Variants in TSPAN5 observed in about 807,000 individuals in gnomAD.
TSPAN5 encodes the protein tetraspanin 5, also known as tetraspanin-5.
TSPAN5 carries 10 observed loss-of-function variants against 37.1 expected under a neutral mutation model. The ratio of observed to expected loss-of-function variants is 0.27; its 90% CI spans 0.17 to 0.46. The LOEUF (loss-of-function observed/expected upper bound fraction) is 0.46, where lower values mean the gene tolerates loss of function less well. Ranked by LOEUF, TSPAN5 falls within the 20% of genes least tolerant of loss-of-function variation. The pLI is 1.00. For synonymous variants in TSPAN5, 110 were observed against 118.9 expected (o/e 0.93, Z 0.48); for missense variants, 195 against 326.6 (o/e 0.60, Z 3.11).
chr4:98,561,784 C>A (rs1420342896), intron 1 of TSPAN5, among the ~76,000 whole-genome samples: 2 of 152,232 alleles, frequency 1.3e-5, no homozygotes, highest in East Asian at 1.9e-4. Flanking sequence ...GCTGGAAACA[C>A]AAAGCCTGGT....
intron 1 of TSPAN5, among the ~76,000 whole-genome samples, chr4:98,529,020 GAGCCAGGATGCAAAACAAGGA>G (rs1453866834): frequency 6.6e-6 from 1 of 151,880 alleles, no homozygotes; most frequent in African/African-American, 2.4e-5. Flanking sequence ...GACAGTGGTA[GAGCCAGGATGCAAAACAAGGA>G]AGCCTTACTC....
intron 1 of TSPAN5, among the ~76,000 whole-genome samples, chr4:98,619,479 G>A (rs546654380): frequency 6.6e-6 from 1 of 152,264 alleles, no homozygotes; most frequent in African/African-American, 2.4e-5. Flanking sequence ...GGCTTTCCTT[G>A]CTCTACCTTT....
At chr4:98,492,081 A>C (rs1753098179) in intron 2 of TSPAN5, among the ~76,000 whole-genome samples, 1 of 152,084 alleles carries the variant, frequency 6.6e-6, no homozygotes, top group Non-Finnish European at 1.5e-5. Context: ...CCTTGTAAGG[A>C]TGCCTTCGCC....
At chr4:98,595,549 TC>T (rs1310004395) in intron 1 of TSPAN5, among the ~76,000 whole-genome samples, 1 of 130,342 alleles carries the variant, frequency 7.7e-6, no homozygotes, top group African/African-American at 3.4e-5. Flanking sequence ...TTTGGATCTT[TC>T]CTGCTTTCTC....
At chr4:98,616,001 A>G (rs1756325747) in intron 1 of TSPAN5, among the ~76,000 whole-genome samples, 1 of 152,178 alleles carries the variant, frequency 6.6e-6, no homozygotes, top group African/African-American at 2.4e-5. Flanking sequence ...TTCAACTGCC[A>G]GTGCACACAC....
At chr4:98,626,621 C>T (rs1460965212) in intron 1 of TSPAN5, among the ~76,000 whole-genome samples, 1 of 152,108 alleles carries the variant, frequency 6.6e-6, no homozygotes, top group African/African-American at 2.4e-5. Context: ...TTCACCCCTA[C>T]AGGCTCCCTC....
At chr4:98,540,938 T>G (rs1578978753) in intron 1 of TSPAN5, among the ~76,000 whole-genome samples, 1 of 152,306 alleles carries the variant, frequency 6.6e-6, no homozygotes, top group East Asian at 1.9e-4. Context: ...AAGAAAACTG[T>G]GGTTAAACAA....
At chr4:98,567,554 T>C (rs1378422737) in intron 1 of TSPAN5, among the ~76,000 whole-genome samples, 1 of 152,216 alleles carries the variant, frequency 6.6e-6, no homozygotes, top group Non-Finnish European at 1.5e-5. Context: ...TATGCCTTTT[T>C]TCAGTGGTTC....
intron 1 of TSPAN5, among the ~76,000 whole-genome samples, chr4:98,529,294 C>T (rs1014746860): frequency 1.3e-5 from 2 of 152,194 alleles, no homozygotes; most frequent in Non-Finnish European, 2.9e-5. Context: ...CATGTGCCCT[C>T]GAAAATCAAT....
intron 2 of TSPAN5, among the ~76,000 whole-genome samples, chr4:98,497,985 A>T (rs1026921228): frequency 1.3e-5 from 2 of 152,244 alleles, no homozygotes; most frequent in Non-Finnish European, 2.9e-5. Flanking sequence ...AGGAAGCTCC[A>T]GGCCATTTCT....
Position 98,534,968 on chromosome 4 carries a change from G to A in TSPAN5, c.82-27240C>T, listed in dbSNP as rs567963496. 3.9e-5 allele frequency among the ~76,000 whole-genome samples: 6 copies of A among 152,244 alleles called. No individual in the cohort carries two copies. In the East Asian group the frequency reaches 1.2e-3, roughly 29 times the overall value. ...TCTCCTGAATAGAGCACACTGATGG[G>A]TCTTGACTCTTTATCCAATTTGCCA... On this transcript the variant is annotated intron_variant, in intron 1 of 7. Transcript: ENST00000305798.
intron 1 of TSPAN5, among the ~76,000 whole-genome samples, chr4:98,592,760 T>C (rs979110050): frequency 1.4e-4 from 21 of 151,278 alleles, no homozygotes; most frequent in East Asian, 3.9e-4. Flanking sequence ...CTACAAAGGA[T>C]ATGAACTCAT....
chr4:98,609,662 T>C (rs1306503291), intron 1 of TSPAN5, among the ~76,000 whole-genome samples: 1 of 152,152 alleles, frequency 6.6e-6, no homozygotes, highest in East Asian at 1.9e-4. Context: ...TGAAGGACAA[T>C]GTCTCTGGGT....
intron 1 of TSPAN5, among the ~76,000 whole-genome samples, chr4:98,525,965 C>G (rs1017377044): frequency 6.6e-6 from 1 of 152,114 alleles, no homozygotes; most frequent in Non-Finnish European, 1.5e-5. Flanking sequence ...ATGAAAGGCT[C>G]TATATGAATA....
chr4:98,596,763 C>T (rs1376941432), intron 1 of TSPAN5, among the ~76,000 whole-genome samples: 19 of 24,548 alleles, frequency 7.7e-4, no homozygotes, highest in Admixed American at 1.0e-3. Context: ...TGAATATTGG[C>T]CCCCACTCTC....
At chr4:98,629,680 T>G (rs578195251) in intron 1 of TSPAN5, among the ~76,000 whole-genome samples, 1 of 152,240 alleles carries the variant, frequency 6.6e-6, no homozygotes, top group Non-Finnish European at 1.5e-5. Flanking sequence ...AAGAATTAGC[T>G]CAAAGCTGGT....
intron 1 of TSPAN5, among the ~76,000 whole-genome samples, chr4:98,592,428 G>GTTTTTTTTTTTTTTTTTTTTTTTT (rs35941064): frequency 8.4e-6 from 1 of 119,104 alleles, no homozygotes; most frequent in African/African-American, 3.2e-5. Context: ...TCTGTTTTTT[G>GTTTTTTTTTTTTTTTTTTTTTTTT]TTTTTTTTTT....
At chr4:98,626,115 G>A (rs1162729177) in intron 1 of TSPAN5, among the ~76,000 whole-genome samples, 5 of 152,148 alleles carry the variant, frequency 3.3e-5, no homozygotes, top group African/African-American at 1.2e-4. Flanking sequence ...CAACACAGGT[G>A]AGATCTAATG....
chr4:98,654,877 T>C (rs1757263833), intron 1 of TSPAN5, among the ~76,000 whole-genome samples: 1 of 152,232 alleles, frequency 6.6e-6, no homozygotes, highest in Admixed American at 6.5e-5. Flanking sequence ...AGACGGAGTC[T>C]TGCTCTGTTG....
Sources: gnomAD v4.1 joint callset for allele counts (sites outside exome capture counted in the v4.1 genomes callset) on GRCh38, gnomAD v4.1.1 for gene constraint, MANE v1.5 for transcripts, NCBI Gene and HGNC (gene_info 2026-07-23, HGNC 2026-07-21) for gene names.